Variants in DCUN1D5 observed in about 807,000 individuals in gnomAD.
The protein encoded by DCUN1D5 is defective in cullin neddylation 1 domain containing 5.
In DCUN1D5, 10 loss-of-function variants were observed where a neutral mutation model predicts 38.3. That is an observed-to-expected ratio of 0.26 (90% CI 0.16 to 0.44). The LOEUF is 0.44. Ranked by LOEUF, DCUN1D5 falls within the 20% of genes least tolerant of loss-of-function variation. The pLI is 1.00. For synonymous variants in DCUN1D5, 93 were observed against 90.9 expected (o/e 1.02, Z -0.13); for missense variants, 148 against 275.3 (o/e 0.54, Z 3.27).
intron 2 of DCUN1D5, among the ~76,000 whole-genome samples, chr11:103,085,666 C>T (rs553602418): frequency 2.6e-5 from 4 of 152,262 alleles, no homozygotes; most frequent in African/African-American, 9.6e-5. Flanking sequence ...AATGTGCTTT[C>T]CCCGGACTGC....
rs960327435 is a variant in DCUN1D5, at chr11:103,060,358, C to G, written c.*2001G>C. On this transcript the variant is annotated 3_prime_UTR_variant, in exon 8 of 8. Coordinates refer to ENST00000260247, the MANE Select transcript of DCUN1D5 (RefSeq NM_032299.4). ...AAGTATGCAAAGTAAATACTGTTGA[C>G]CCTTGAACAGCATGAGTTTGAACTG... 3.9e-5 allele frequency among the ~76,000 whole-genome samples: 6 copies of G among 152,072 alleles called. No individual in the cohort carries two copies. The highest frequency in any genetic ancestry group is 8.8e-5 in the Non-Finnish European group (6 of 68,014).
chr11:103,089,113 C>T, intron 2 of DCUN1D5, 114 bp downstream of exon 2: 1 of 1,033,786 alleles, frequency 9.7e-7, no homozygotes, highest in African/African-American at 1.6e-5. Context: ...GACCCTCATC[C>T]CAGTACACAG....
chr11:103,067,382 C>G (rs980138815), intron 4 of DCUN1D5, among the ~76,000 whole-genome samples: 1 of 152,146 alleles, frequency 6.6e-6, no homozygotes, highest in African/African-American at 2.4e-5. Context: ...ATATCACTTA[C>G]CATTCCCAAA....
chr11:103,083,481 G>A lies in DCUN1D5; in HGVS notation c.179-155C>T, dbSNP rs1862620198. Among the ~76,000 whole-genome samples, 1 of 151,962 alleles carries A rather than the reference G, an allele frequency of 6.6e-6. No individual in the cohort carries two copies. The highest frequency in any genetic ancestry group is 2.4e-5 in the African/African-American group (1 of 41,390). On this transcript the variant is annotated intron_variant, in intron 2 of 7. Transcript: ENST00000260247. This position sits in a 1 kb window ranked among gnomAD's most constrained non-coding sequence, Gnocchi z 4.4. ...TTGATAAGTATAAATATTTGCTACAGGATTTAAAATTTAAAATTTGTGAAG... is the reference window on the plus strand; with the variant it reads ...TTGATAAGTATAAATATTTGCTACAAGATTTAAAATTTAAAATTTGTGAAG...
At chr11:103,085,015 A>G (rs1261510170) in intron 2 of DCUN1D5, among the ~76,000 whole-genome samples, 1 of 152,184 alleles carries the variant, frequency 6.6e-6, no homozygotes, top group African/African-American at 2.4e-5. Flanking sequence ...AAATTAAGGG[A>G]AAAGACAAAC....
In DCUN1D5 at chr11:103,091,746, G is replaced by A. The variant is rs768710551; in HGVS notation, c.86+41C>T. On this transcript the variant is annotated intron_variant, in intron 1 of 7. Transcript: ENST00000260247. The surrounding 1 kb of genome is among the most constrained non-coding windows in gnomAD (Gnocchi z 4.3). ...CCTTTTCCTCCAGTTGTCCAGCAAA[G>A]GAGGGAGGAGGGAAGCTTGAAGGGT... 43 of 1,613,582 alleles carry A rather than the reference G, an allele frequency of 2.7e-5. 1 individual carries two copies. The East Asian group carries it at 6.2e-4, about 23-fold the overall frequency.
Position 103,062,220 on chromosome 11 carries a change from T to TA in DCUN1D5, c.*138dup. 5.0e-6 allele frequency: 4 copies of TA among 798,942 alleles called. No homozygotes were observed. The highest frequency in any genetic ancestry group is 8.1e-6 in the Non-Finnish European group (4 of 495,946). 49.5% of individuals were successfully genotyped at this position (798,942 alleles called of 1,614,324 possible). On this transcript the variant is annotated 3_prime_UTR_variant, in exon 8 of 8. Transcript: ENST00000260247. The surrounding 1 kb of genome is among the most constrained non-coding windows in gnomAD (Gnocchi z 4.6). ...CACATGTAACAAGAAAAACCTCCTTTAAAAAAAGGAAAAAAAAGTACTATG... is the reference window on the plus strand; with the variant it reads ...CACATGTAACAAGAAAAACCTCCTTTAAAAAAAAGGAAAAAAAAGTACTATG...
rs1421788530 is a variant in DCUN1D5, at chr11:103,065,850, A to G, written c.555+419T>C. 6.6e-6 allele frequency among the ~76,000 whole-genome samples: 1 copy of G among 152,178 alleles called. No individual in the cohort carries two copies. The highest frequency in any genetic ancestry group is 2.4e-5 in the African/African-American group (1 of 41,448). On this transcript the variant is annotated intron_variant, in intron 6 of 7. Coordinates refer to ENST00000260247, the MANE Select transcript of DCUN1D5 (RefSeq NM_032299.4). The surrounding 1 kb of genome is among the most constrained non-coding windows in gnomAD (Gnocchi z 4.6). ...GTTTCTTTAGATTGAGCCTAAGTAG[A>G]AAAGGAAAGTTTTATTACTAAATTG...
rs548561959 is a variant in DCUN1D5, at chr11:103,080,285, T to C, written c.341+2463A>G. ...AAGTATGAAAAATATCAGAGAGAACTGATAATAAAGTTTTATATTTTAAGA... is the reference window on the plus strand; with the variant it reads ...AAGTATGAAAAATATCAGAGAGAACCGATAATAAAGTTTTATATTTTAAGA... On this transcript the variant is annotated intron_variant, in intron 4 of 7. Transcript: ENST00000260247. Among the ~76,000 whole-genome samples the C allele has an allele frequency of 9.9e-5, 15 of 152,278 alleles. No homozygotes were observed. The South Asian group carries it at 3.1e-3, about 32-fold the overall frequency.
Position 103,063,092 on chromosome 11 carries a change from C to T in DCUN1D5, c.659-678G>A, listed in dbSNP as rs1253933574. Among the ~76,000 whole-genome samples the T allele has an allele frequency of 6.6e-6, 1 of 152,008 alleles. No individual in the cohort carries two copies. The highest frequency in any genetic ancestry group is 6.6e-5 in the Admixed American group (1 of 15,244). ...ATCCTCTGGTGGTCTTTTTCCATTG[C>T]TTTTGACAGACATGTTTCTCTATCG... is the stretch of plus-strand genomic sequence containing the variant. On this transcript the variant is annotated intron_variant, in intron 7 of 7. Transcript: ENST00000260247. This position sits in a 1 kb window ranked among gnomAD's most constrained non-coding sequence, Gnocchi z 4.6.
chr11:103,077,016 G>C lies in DCUN1D5; in HGVS notation c.341+5732C>G, dbSNP rs986513670. Among the ~76,000 whole-genome samples, 3 of 152,148 alleles carry C rather than the reference G, an allele frequency of 2.0e-5. No homozygotes were observed. Among genetic ancestry groups the C allele is most frequent in the Non-Finnish European group, 2.9e-5 (2 of 68,032 alleles). The stretch of plus-strand genomic sequence containing the variant: ...GATCAAGACCATCCCGGCTAACATG[G>C]TGAAACCCCGTCTCTACTAAAAATA... On this transcript the variant is annotated intron_variant, in intron 4 of 7. Transcript: ENST00000260247. The surrounding 1 kb of genome is among the most constrained non-coding windows in gnomAD (Gnocchi z 4.3).
chr11:103,088,468 C>G (rs528356371), intron 2 of DCUN1D5, among the ~76,000 whole-genome samples: 1 of 152,298 alleles, frequency 6.6e-6, no homozygotes, highest in Non-Finnish European at 1.5e-5. Context: ...AACTCTTCAG[C>G]CCCATCTCTG....
At chr11:103,084,732 G>A (rs1377443062) in intron 2 of DCUN1D5, among the ~76,000 whole-genome samples, 2 of 152,180 alleles carry the variant, frequency 1.3e-5, no homozygotes, top group Non-Finnish European at 2.9e-5. Context: ...GCTCATGCCT[G>A]TAATCTTGGC....
In DCUN1D5 at chr11:103,058,736, T is replaced by G. The variant is rs543289412; in HGVS notation, c.*3623A>C. On this transcript the variant is annotated 3_prime_UTR_variant, in exon 8 of 8. Coordinates refer to ENST00000260247, the MANE Select transcript of DCUN1D5 (RefSeq NM_032299.4). ...TTCCTATTGAGGAAGTTAATGAAATTGTTATTCCTCTTTCTCCTGAAAAAA... is the reference window on the plus strand; with the variant it reads ...TTCCTATTGAGGAAGTTAATGAAATGGTTATTCCTCTTTCTCCTGAAAAAA... 1.3e-5 allele frequency among the ~76,000 whole-genome samples: 2 copies of G among 152,154 alleles called. No homozygotes were observed. Among genetic ancestry groups the G allele is most frequent in the South Asian group, 4.2e-4 (2 of 4,818 alleles).
chr11:103,073,750 T>A lies in DCUN1D5; in HGVS notation c.342-7183A>T, dbSNP rs1280311774. Among the ~76,000 whole-genome samples, 3 of 152,170 alleles carry A rather than the reference T, an allele frequency of 2.0e-5. No individual in the cohort carries two copies. Among genetic ancestry groups the A allele is most frequent in the Non-Finnish European group, 4.4e-5 (3 of 68,020 alleles). The stretch of plus-strand genomic sequence containing the variant: ...TCATGATATAAGGCTAGGCAAATAA[T>A]TCTTAGACTTGACATCAAAAGTACA... On this transcript the variant is annotated intron_variant, in intron 4 of 7. Coordinates refer to ENST00000260247, the MANE Select transcript of DCUN1D5 (RefSeq NM_032299.4). The surrounding 1 kb of genome is among the most constrained non-coding windows in gnomAD (Gnocchi z 4.2).
intron 2 of DCUN1D5, among the ~76,000 whole-genome samples, chr11:103,085,253 G>C (rs1182578515): frequency 6.6e-6 from 1 of 152,072 alleles, no homozygotes; most frequent in African/African-American, 2.4e-5. Flanking sequence ...GCCTGGCCAA[G>C]ATGGTGAAAC....
Position 103,051,492 on chromosome 11 carries a change from A to G in DCUN1D5, c.*10867T>C, listed in dbSNP as rs903354429. ...TGATCATGAGATTTGGTGGCTTCACATATTTACTTCCCCCCCCCCCCCGCC... is the reference window on the plus strand; with the variant it reads ...TGATCATGAGATTTGGTGGCTTCACGTATTTACTTCCCCCCCCCCCCCGCC... On this transcript the variant is annotated 3_prime_UTR_variant, in exon 8 of 8. Coordinates refer to ENST00000260247, the MANE Select transcript of DCUN1D5 (RefSeq NM_032299.4). 2 of 80,856 alleles carry G rather than the reference A, an allele frequency of 2.5e-5. No individual in the cohort carries two copies. The highest frequency in any genetic ancestry group is 4.4e-4 in the East Asian group (1 of 2,260). 5.0% of individuals were successfully genotyped at this position (80,856 alleles called of 1,614,324 possible). A position where few individuals can be genotyped will look rare whatever the true frequency, so the allele number is the denominator to read the frequency against.
rs951494153 is a variant in DCUN1D5, at chr11:103,058,720, A to G, written c.*3639T>C. ...TAATTCAGACTAGCCTTTCCTATTG[A>G]GGAAGTTAATGAAATTGTTATTCCT... On this transcript the variant is annotated 3_prime_UTR_variant, in exon 8 of 8. Coordinates refer to ENST00000260247, the MANE Select transcript of DCUN1D5 (RefSeq NM_032299.4). Among the ~76,000 whole-genome samples the G allele has an allele frequency of 8.6e-5, 13 of 152,022 alleles. No individual in the cohort carries two copies. Among genetic ancestry groups the G allele is most frequent in the Non-Finnish European group, 1.6e-4 (11 of 67,970 alleles).
Position 103,091,582 on chromosome 11 carries a change from C to G in DCUN1D5, c.86+205G>C, listed in dbSNP as rs1349753533. 1 of 823,886 alleles carries G rather than the reference C, an allele frequency of 1.2e-6. No homozygotes were observed. The highest frequency in any genetic ancestry group is 1.7e-5 in the African/African-American group (1 of 58,622). 51.0% of individuals were successfully genotyped at this position (823,886 alleles called of 1,614,324 possible). ...AACGTGGGCGGCTCTTCTAGTCTCT[C>G]CATAAACGCCAGCGTGCACACACTC... On this transcript the variant is annotated intron_variant, in intron 1 of 7. Coordinates refer to ENST00000260247, the MANE Select transcript of DCUN1D5 (RefSeq NM_032299.4). The surrounding 1 kb of genome is among the most constrained non-coding windows in gnomAD (Gnocchi z 4.3).
Sources: allele counts gnomAD v4.1 joint callset (sites outside exome capture counted in the v4.1 genomes callset), GRCh38; gene constraint gnomAD v4.1.1; non-coding constraint Gnocchi (gnomAD v3.1); transcripts MANE v1.5; gene names NCBI Gene and HGNC (gene_info 2026-07-23, HGNC 2026-07-21).